Variants in ERBIN observed in about 807,000 individuals in gnomAD.
ERBIN encodes densin-180-like protein.
In ERBIN, 60 loss-of-function variants were observed where a neutral mutation model predicts 158.4. That is an observed-to-expected ratio of 0.38 (90% CI 0.31 to 0.47). The LOEUF (loss-of-function observed/expected upper bound fraction) is 0.47, where lower values mean the gene tolerates loss of function less well. Among genes scored for constraint, ERBIN ranks in the 20% least tolerant of loss-of-function variants. The pLI is 0.99. For missense variants in ERBIN, 1,610 were observed against 1,648.0 expected (o/e 0.98, Z 0.40); for synonymous variants, 594 against 557.2 (o/e 1.07, Z -0.93).
chr5:66,048,855 C>A, intron 19 of ERBIN, 74 bp downstream of exon 19: 1 of 845,338 alleles, frequency 1.2e-6, no homozygotes, highest in South Asian at 1.9e-5. Flanking sequence ...AAATAAATTT[C>A]ATTGAATATT....
Position 65,992,699 on chromosome 5 carries a change from G to T in ERBIN, c.-9-11G>T. 4 of 1,547,756 alleles carry T rather than the reference G, an allele frequency of 2.6e-6. No homozygotes were observed. The highest frequency in any genetic ancestry group is 2.5e-5 in the South Asian group (2 of 81,028). On this transcript the variant is annotated splice_polypyrimidine_tract_variant and intron_variant, in intron 2 of 25. Coordinates refer to ENST00000284037, the MANE Select transcript of ERBIN (RefSeq NM_001253697.2). ...GTATGTTTTAAATTTCTTTTTATTCGAATATTGCAGTGTCTAAAAATGACT... is the reference window on the plus strand; with the variant it reads ...GTATGTTTTAAATTTCTTTTTATTCTAATATTGCAGTGTCTAAAAATGACT...
chr5:66,076,817 G>A (rs1201554058), intron 24 of ERBIN, 58 bp from the exon 25 acceptor site: 17 of 1,292,520 alleles, frequency 1.3e-5, no homozygotes, highest in Non-Finnish European at 1.9e-5. Flanking sequence ...ATTGCTCCTT[G>A]GTACTCTGTT....
intron 14 of ERBIN, among the ~76,000 whole-genome samples, chr5:66,034,607 T>C: frequency 8.0e-6 from 1 of 125,510 alleles, no homozygotes; most frequent in East Asian, 2.0e-4. Flanking sequence ...TCTTGAATCC[T>C]TTTTTTTTTT....
chr5:65,996,244 GT>G (rs34947686), intron 4 of ERBIN, among the ~76,000 whole-genome samples: 12,952 of 101,004 alleles, frequency 0.13, 721 homozygotes, highest in Middle Eastern at 0.18. Context: ...TTTCCTAGTA[GT>G]TTTTTTTTTT....
Position 66,068,778 on chromosome 5 carries a change from G to A in ERBIN, c.3634-3391G>A, listed in dbSNP as rs894531708. 63 of 1,070,666 alleles carry A rather than the reference G, an allele frequency of 5.9e-5. 1 individual carries two copies. In the African/African-American group the frequency reaches 9.2e-4, roughly 16 times the overall value. 66.3% of individuals were successfully genotyped at this position (1,070,666 alleles called of 1,614,324 possible). A position where few individuals can be genotyped will look rare whatever the true frequency, so the allele number is the denominator to read the frequency against. On this transcript the variant is annotated intron_variant, in intron 21 of 25. Transcript: ENST00000284037. ...ATTAGTGTTGCATGATACTTCTCTG[G>A]TTTTGGGGTTACTTGTAAATAAGTC... is the stretch of plus-strand genomic sequence containing the variant.
intron 4 of ERBIN, among the ~76,000 whole-genome samples, chr5:66,008,144 C>T (rs896193381): frequency 7.9e-5 from 12 of 152,248 alleles, no homozygotes; most frequent in Admixed American, 1.3e-4. Context: ...CAGGGCCAGG[C>T]ACGGTGGCTC....
chr5:65,943,244 T>C (rs1375206420), intron 1 of ERBIN, among the ~76,000 whole-genome samples: 1 of 152,192 alleles, frequency 6.6e-6, no homozygotes, highest in Admixed American at 6.5e-5. Flanking sequence ...ACAGGAATGT[T>C]AGAAGGGATG....
At chr5:66,039,765 A>G (rs1757754938) in intron 15 of ERBIN, among the ~76,000 whole-genome samples, 1 of 151,924 alleles carries the variant, frequency 6.6e-6, no homozygotes, top group African/African-American at 2.4e-5. Context: ...GTGAATTTAA[A>G]TACATGGAAG....
chr5:65,998,739 A>G (rs1752703521), intron 4 of ERBIN, among the ~76,000 whole-genome samples: 1 of 151,954 alleles, frequency 6.6e-6, no homozygotes, highest in Admixed American at 6.6e-5. Flanking sequence ...TCTACAAAAA[A>G]TCATAAACTT....
chr5:65,967,443 T>C (rs1748781206), intron 1 of ERBIN, among the ~76,000 whole-genome samples: 1 of 152,188 alleles, frequency 6.6e-6, no homozygotes, highest in Non-Finnish European at 1.5e-5. Context: ...TTTCTATGTT[T>C]AGATATGTTT....
chr5:65,973,768 G>A (rs1749546675), intron 1 of ERBIN, among the ~76,000 whole-genome samples: 1 of 151,382 alleles, frequency 6.6e-6, no homozygotes, highest in East Asian at 1.9e-4. Flanking sequence ...CAGTAGTAAA[G>A]TTGTATAAAG....
chr5:66,061,644 G>A (rs1260270919), intron 21 of ERBIN, among the ~76,000 whole-genome samples: 1 of 152,166 alleles, frequency 6.6e-6, no homozygotes, highest in African/African-American at 2.4e-5. Context: ...AGCCTTGATG[G>A]TCTTTACAAT....
intron 1 of ERBIN, among the ~76,000 whole-genome samples, chr5:65,931,667 T>C (rs775522569): frequency 1.3e-5 from 2 of 152,224 alleles, no homozygotes; most frequent in Non-Finnish European, 2.9e-5. Context: ...AAGTCTCTTA[T>C]GTTTGGCTTA....
chr5:65,940,231 C>T (rs1481707077), intron 1 of ERBIN, among the ~76,000 whole-genome samples: 3 of 151,268 alleles, frequency 2.0e-5, no homozygotes, highest in African/African-American at 4.9e-5. Context: ...CGCCTCTACC[C>T]GGCCGTGACC....
In ERBIN at chr5:66,054,530, G is replaced by A. The variant is rs768018667; in HGVS notation, c.3212G>A (p.Arg1071Gln). 2.6e-5 allele frequency: 42 copies of A among 1,614,022 alleles called. No individual in the cohort carries two copies. Among genetic ancestry groups the A allele is most frequent in the Non-Finnish European group, 3.5e-5 (41 of 1,180,024 alleles). The change falls in exon 21 of 26, where the codon CGA (arginine) becomes CAA (glutamine). Residue 1071 changes from arginine (R) to glutamine (Q), a missense_variant. Arg to Gln is a conservative substitution (Grantham distance 43, BLOSUM62 1). Around this residue, in one of 2 missense-constraint regions of ERBIN, gnomAD observed 1,014 missense variants for 936.1 expected, o/e 1.08. Coordinates refer to ENST00000284037, the MANE Select transcript of ERBIN (RefSeq NM_001253697.2). ...PNDRLIPAVT[R>Q]STIQRQSSVS... ...GACCGACTTATTCCTGCAGTAACTC[G>A]AAGTACAATCCAGCGACAAAGTAGT...
At chr5:66,005,539 A>G (rs1753490182) in intron 4 of ERBIN, among the ~76,000 whole-genome samples, 2 of 152,156 alleles carry the variant, frequency 1.3e-5, no homozygotes, top group African/African-American at 4.8e-5. Context: ...AGGCTAAAGA[A>G]TGAGCCCTGG....
intron 21 of ERBIN, among the ~76,000 whole-genome samples, chr5:66,060,667 G>A (rs1453696137): frequency 6.6e-6 from 1 of 152,114 alleles, no homozygotes; most frequent in East Asian, 1.9e-4. Context: ...GCTTTCTCTT[G>A]TGGGCATTTA....
At position 65,941,481 on chromosome 5, in the gene ERBIN, CT is replaced by C. The variant is rs375825668; in HGVS notation, c.-58+14677del. Among the ~76,000 whole-genome samples the C allele has an allele frequency of 5.5e-3, 833 of 152,180 alleles. 7 individuals are homozygous for C. The highest frequency in any genetic ancestry group is 0.01 in the Middle Eastern group (3 of 294). The stretch of plus-strand genomic sequence containing the variant: ...ACAACACCATTTTATATGAGGGATA[CT>C]TGGAGCATCCTCAGATTTTGGCATA... On this transcript the variant is annotated intron_variant, in intron 1 of 25. Coordinates refer to ENST00000284037, the MANE Select transcript of ERBIN (RefSeq NM_001253697.2).
At chr5:65,937,503 A>G (rs891831680) in intron 1 of ERBIN, among the ~76,000 whole-genome samples, 2 of 152,046 alleles carry the variant, frequency 1.3e-5, no homozygotes, top group East Asian at 1.9e-4. Flanking sequence ...ATACTATGCT[A>G]TTTTGACCTC....
Sources: allele counts gnomAD v4.1 joint callset (sites outside exome capture counted in the v4.1 genomes callset), GRCh38; gene constraint gnomAD v4.1.1; regional missense constraint gnomAD v4.1.1; transcripts MANE v1.5; gene names NCBI Gene and HGNC (gene_info 2026-07-23, HGNC 2026-07-21).